Variants in PHACTR1 observed in about 807,000 individuals in gnomAD.
The protein encoded by PHACTR1 is phosphatase and actin regulator 1, also known as RPEL repeat containing 1.
In PHACTR1, 16 loss-of-function variants were observed where a neutral mutation model predicts 69.2. The observed-to-expected ratio is 0.23, with a 90% confidence interval of 0.16 to 0.35. PHACTR1 has a LOEUF of 0.35. PHACTR1 is among the 10% of genes least tolerant of loss of function. The pLI is 1.00. For missense variants in PHACTR1, 510 were observed against 734.7 expected (o/e 0.69, Z 3.54); for synonymous variants, 312 against 284.5 (o/e 1.10, Z -0.97).
chr6:13,060,901 C>G (rs1196144016), intron 5 of PHACTR1, among the ~76,000 whole-genome samples: 1 of 152,204 alleles, frequency 6.6e-6, no homozygotes, highest in African/African-American at 2.4e-5. Context: ...GGTTAGTTTC[C>G]TAAGCTGCTA....
intron 4 of PHACTR1, among the ~76,000 whole-genome samples, chr6:12,949,200 G>A (rs890373897): frequency 4.6e-5 from 7 of 151,156 alleles, no homozygotes; most frequent in African/African-American, 7.3e-5. Flanking sequence ...AACCCAGGAG[G>A]CGGAGATTGT....
intron 3 of PHACTR1, among the ~76,000 whole-genome samples, chr6:12,742,873 TAA>T (rs1006319006): frequency 1.7e-4 from 26 of 152,280 alleles, no homozygotes; most frequent in African/African-American, 6.0e-4. Flanking sequence ...GGAAGAATAA[TAA>T]GTGTTCAATT....
chr6:13,225,124 T>C (rs1456392860), intron 8 of PHACTR1, among the ~76,000 whole-genome samples: 4 of 152,208 alleles, frequency 2.6e-5, no homozygotes, highest in African/African-American at 9.6e-5. Flanking sequence ...TGGTTCTCCA[T>C]AGTTACAAAA....
intron 5 of PHACTR1, among the ~76,000 whole-genome samples, chr6:13,079,072 T>A (rs72820882): frequency 8.5e-5 from 13 of 152,356 alleles, no homozygotes; most frequent in Non-Finnish European, 1.5e-4. Flanking sequence ...CAAATTTTTT[T>A]AAGATATTTG....
chr6:12,784,619 G>C (rs1224100664), intron 4 of PHACTR1, among the ~76,000 whole-genome samples: 1 of 151,328 alleles, frequency 6.6e-6, no homozygotes, highest in East Asian at 1.9e-4. Context: ...CATATATGAT[G>C]ATAAACATGC....
intron 7 of PHACTR1, among the ~76,000 whole-genome samples, chr6:13,186,368 GT>G (rs1301790331): frequency 6.6e-6 from 1 of 152,148 alleles, no homozygotes; most frequent in African/African-American, 2.4e-5. Context: ...ATTCCACAAC[GT>G]GATTTTATTA....
At chr6:13,090,822 T>C (rs73369806) in intron 5 of PHACTR1, among the ~76,000 whole-genome samples, 11,178 of 152,170 alleles carry the variant, frequency 0.073, 1,388 homozygotes, top group African/African-American at 0.25. Context: ...AAGCCTTTTG[T>C]TGTTTGGAAG....
intron 4 of PHACTR1, among the ~76,000 whole-genome samples, chr6:12,799,831 A>C (rs1244541065): frequency 6.6e-6 from 1 of 152,238 alleles, no homozygotes; most frequent in Admixed American, 6.5e-5. Flanking sequence ...TATATTCACA[A>C]CTATGAATAG....
At chr6:13,094,488 G>A (rs999821207) in intron 5 of PHACTR1, among the ~76,000 whole-genome samples, 4 of 151,522 alleles carry the variant, frequency 2.6e-5, no homozygotes, top group African/African-American at 9.7e-5. Context: ...AGAGAGGGGG[G>A]GTTTCACCAT....
chr6:12,961,973 G>A (rs1792802229), intron 4 of PHACTR1, among the ~76,000 whole-genome samples: 1 of 152,048 alleles, frequency 6.6e-6, no homozygotes, highest in African/African-American at 2.4e-5. Context: ...CTGTCACCCG[G>A]GTTTGGGTGC....
chr6:13,182,277 G>A (rs543356763), intron 6 of PHACTR1, among the ~76,000 whole-genome samples: 3 of 152,244 alleles, frequency 2.0e-5, no homozygotes, highest in African/African-American at 4.8e-5. Context: ...TGATGGATTC[G>A]GGTTAGAAAG....
At chr6:12,981,043 A>G (rs1437632811) in intron 4 of PHACTR1, among the ~76,000 whole-genome samples, 2 of 152,230 alleles carry the variant, frequency 1.3e-5, no homozygotes, top group East Asian at 3.9e-4. Context: ...ATGCTTGCCA[A>G]ACAGGATTAC....
chr6:13,150,593 T>C (rs1824158523), intron 5 of PHACTR1, among the ~76,000 whole-genome samples: 1 of 152,220 alleles, frequency 6.6e-6, no homozygotes, highest in South Asian at 2.1e-4. Flanking sequence ...AATTAGACAT[T>C]CAGAGTTGCA....
chr6:13,114,725 G>A (rs1181446078), intron 5 of PHACTR1, among the ~76,000 whole-genome samples: 1 of 152,130 alleles, frequency 6.6e-6, no homozygotes, highest in African/African-American at 2.4e-5. Flanking sequence ...GTAGATAGAA[G>A]CCAGGGATAC....
At chr6:13,134,642 G>A (rs1165424427) in intron 5 of PHACTR1, among the ~76,000 whole-genome samples, 2 of 151,920 alleles carry the variant, frequency 1.3e-5, no homozygotes, top group Admixed American at 6.5e-5. Flanking sequence ...GTACCCAGGG[G>A]CACAAACACT....
intron 4 of PHACTR1, among the ~76,000 whole-genome samples, chr6:12,882,392 A>G (rs1037375899): frequency 6.6e-6 from 1 of 152,148 alleles, no homozygotes; most frequent in South Asian, 2.1e-4. Flanking sequence ...CCAGATCCAC[A>G]TAGTGACTTT....
intron 4 of PHACTR1, among the ~76,000 whole-genome samples, chr6:12,822,658 A>G (rs1776351379): frequency 6.6e-6 from 1 of 152,194 alleles, no homozygotes; most frequent in South Asian, 2.1e-4. Context: ...GTTTGAGGGC[A>G]AGGGCAGGAC....
At chr6:12,978,431 G>A (rs943814665) in intron 4 of PHACTR1, among the ~76,000 whole-genome samples, 11 of 152,108 alleles carry the variant, frequency 7.2e-5, no homozygotes, top group South Asian at 2.1e-4. Context: ...GCCGTTCCAC[G>A]CAGTCAGGGC....
chr6:13,069,856 A>T, intron 5 of PHACTR1, among the ~76,000 whole-genome samples: 1 of 152,196 alleles, frequency 6.6e-6, no homozygotes, highest in East Asian at 1.9e-4. Context: ...TCATTTGACA[A>T]GTGAGGAAAC....
Sources: allele counts gnomAD v4.1 joint callset (sites outside exome capture counted in the v4.1 genomes callset), GRCh38; gene constraint gnomAD v4.1.1; transcripts MANE v1.5; gene names NCBI Gene and HGNC (gene_info 2026-07-23, HGNC 2026-07-21).